The following ZFAND3 variants were observed in gnomAD, a reference collection of about 807,000 sequenced individuals.
ZFAND3 encodes zinc finger AN1-type containing 3, also known as AN1-type zinc finger protein 3.
Under a neutral mutation model 29.6 loss-of-function variants are expected in ZFAND3, and 10 were observed. The ratio of observed to expected loss-of-function variants is 0.34; its 90% CI spans 0.21 to 0.57. The LOEUF is 0.57. ZFAND3 is among the 20% of genes least tolerant of loss of function. The pLI, the probability that ZFAND3 is intolerant of heterozygous loss-of-function variation, is 0.86. For synonymous variants in ZFAND3, 128 were observed against 112.6 expected (o/e 1.14, Z -0.87); for missense variants, 230 against 304.5 (o/e 0.76, Z 1.82).
At chr6:37,826,406 A>G (rs375730377) in intron 1 of ZFAND3, among the ~76,000 whole-genome samples, 1 of 152,204 alleles carries the variant, frequency 6.6e-6, no homozygotes, top group Non-Finnish European at 1.5e-5. Context: ...ATATTTAAAC[A>G]TAAGACATTT....
intron 2 of ZFAND3, among the ~76,000 whole-genome samples, chr6:37,966,373 C>G (rs1762293777): frequency 6.6e-6 from 1 of 152,174 alleles, no homozygotes; most frequent in Non-Finnish European, 1.5e-5. Context: ...AGTTAAAAAG[C>G]ACATACAAAG....
chr6:38,107,949 G>A (rs549411126), intron 4 of ZFAND3, among the ~76,000 whole-genome samples: 4 of 151,326 alleles, frequency 2.6e-5, no homozygotes, highest in Non-Finnish European at 5.9e-5. Context: ...AAAAGCTCAC[G>A]TTATTTGAAT....
At chr6:38,145,847 A>G (rs929535308) in intron 5 of ZFAND3, among the ~76,000 whole-genome samples, 1 of 152,178 alleles carries the variant, frequency 6.6e-6, no homozygotes, top group Non-Finnish European at 1.5e-5. Context: ...CTTCCATTGA[A>G]ATACCTGTCC....
intron 2 of ZFAND3, among the ~76,000 whole-genome samples, chr6:37,980,623 C>T (rs1264345551): frequency 6.6e-6 from 1 of 152,188 alleles, no homozygotes; most frequent in Admixed American, 6.5e-5. Flanking sequence ...CATCCCCTTG[C>T]AGTACAATTT....
intron 2 of ZFAND3, among the ~76,000 whole-genome samples, chr6:37,942,073 A>G (rs1197126702): frequency 1.3e-5 from 2 of 152,092 alleles, no homozygotes; most frequent in Non-Finnish European, 2.9e-5. Context: ...TTTTAATCCA[A>G]ACTGAATGTA....
intron 2 of ZFAND3, among the ~76,000 whole-genome samples, chr6:38,031,189 CTGTT>C (rs1248269108): frequency 6.6e-6 from 1 of 152,050 alleles, no homozygotes; most frequent in African/African-American, 2.4e-5. Flanking sequence ...GTGCTACTAC[CTGTT>C]TGTTTGCCTC....
At chr6:37,906,817 G>A (rs1476266523) in intron 1 of ZFAND3, among the ~76,000 whole-genome samples, 2 of 151,224 alleles carry the variant, frequency 1.3e-5, no homozygotes, top group African/African-American at 2.4e-5. Context: ...TTGACCATTC[G>A]TATATCTTCT....
intron 2 of ZFAND3, among the ~76,000 whole-genome samples, chr6:38,006,017 G>A (rs1285733386): frequency 6.6e-6 from 1 of 152,166 alleles, no homozygotes; most frequent in Non-Finnish European, 1.5e-5. Flanking sequence ...TGAAGATAGA[G>A]CCAGCTGACT....
chr6:37,872,602 T>C (rs534274297), intron 1 of ZFAND3, among the ~76,000 whole-genome samples: 26 of 152,286 alleles, frequency 1.7e-4, no homozygotes, highest in African/African-American at 6.3e-4. Flanking sequence ...CATAGATTAG[T>C]TTTGCTTGTT....
chr6:38,055,000 T>C (rs1764106970), intron 2 of ZFAND3, among the ~76,000 whole-genome samples: 1 of 152,148 alleles, frequency 6.6e-6, no homozygotes, highest in Non-Finnish European at 1.5e-5. Flanking sequence ...AAACTAGAAA[T>C]GTTTCTATGA....
chr6:38,061,632 G>T lies in ZFAND3; in HGVS notation c.152G>T (p.Ser51Ile). The part of the protein sequence containing the change: ...KKQPDDDSAP[S>I]TSNSQSDLFS... ...CAGCCAGACGATGATTCCGCTCCAA[G>T]TACAAGTAACAGCCAATCAGATTTG... Residue 51 changes from serine to isoleucine, a missense_variant, in exon 3 of 6, where the codon AGT becomes ATT. This residue lies in a region of ZFAND3 where 180 missense variants were observed against 202.5 expected (regional missense o/e 0.89). Transcript: ENST00000287218. 6.2e-7 allele frequency: 1 copy of T among 1,614,166 alleles called. No individual in the cohort carries two copies. Among genetic ancestry groups the T allele is most frequent in the Middle Eastern group, 1.6e-4 (1 of 6,062 alleles).
At chr6:37,835,202 C>T (rs1395116381) in intron 1 of ZFAND3, among the ~76,000 whole-genome samples, 2 of 152,190 alleles carry the variant, frequency 1.3e-5, no homozygotes, top group African/African-American at 2.4e-5. Context: ...CACTCTCTCC[C>T]AGGCTGGGGT....
chr6:37,877,682 T>C lies in ZFAND3; in HGVS notation c.72-52277T>C, dbSNP rs116775692. 3.2e-3 allele frequency among the ~76,000 whole-genome samples: 484 copies of C among 152,350 alleles called. 3 individuals are homozygous for C. Among genetic ancestry groups the C allele is most frequent in the African/African-American group, 0.011 (449 of 41,568 alleles). On this transcript the variant is annotated intron_variant, in intron 1 of 5. Coordinates refer to ENST00000287218, the MANE Select transcript of ZFAND3 (RefSeq NM_021943.3). ...ACTTTACATGCTTGATATTGCTTAC[T>C]TGTGGCAGGGCTGGGATTCAAACCC...
At chr6:38,124,989 A>G (rs764675452) in intron 5 of ZFAND3, among the ~76,000 whole-genome samples, 9 of 152,206 alleles carry the variant, frequency 5.9e-5, no homozygotes, top group Admixed American at 1.3e-4. Flanking sequence ...GACAGCAACA[A>G]TTGGGATGTA....
intron 4 of ZFAND3, among the ~76,000 whole-genome samples, chr6:38,114,278 C>G (rs12214375): frequency 0.25 from 37,912 of 152,252 alleles, 6,295 homozygotes; most frequent in Non-Finnish European, 0.37. Flanking sequence ...GGACCCCGCC[C>G]GCAGAGAGCA....
chr6:38,154,269 C>T lies in ZFAND3; in HGVS notation c.*1880C>T, dbSNP rs907202013. On this transcript the variant is annotated 3_prime_UTR_variant, in exon 6 of 6. Transcript: ENST00000287218. ...AGCCCTTCCCGGCCCTCCCCAGGGC[C>T]CCCCGCCCCCTCCTCTGCCTGCTGC... The T allele has an allele frequency of 4.1e-6, 4 of 985,376 alleles. No individual in the cohort carries two copies. Among genetic ancestry groups the T allele is most frequent in the Non-Finnish European group, 4.8e-6 (4 of 829,976 alleles). The allele number at this position is 985,376 out of a possible 1,614,324, so 61.0% of individuals were successfully genotyped here. A position where few individuals can be genotyped will look rare whatever the true frequency, so the allele number is the denominator to read the frequency against.
chr6:38,154,372 C>CT lies in ZFAND3; in HGVS notation c.*1984dup, dbSNP rs1766306594. 1 of 899,348 alleles carries CT rather than the reference C, an allele frequency of 1.1e-6. No homozygotes were observed. Among genetic ancestry groups the CT allele is most frequent in the African/African-American group, 2.2e-5 (1 of 45,276 alleles). 55.7% of individuals were successfully genotyped at this position (899,348 alleles called of 1,614,324 possible). A position where few individuals can be genotyped will look rare whatever the true frequency, so the allele number is the denominator to read the frequency against. ...CCCATGTTCGCTTCCTGACTTAGAG[C>CT]TGGGGGGGGTGGGGGGTGGGGCTTG... On this transcript the variant is annotated 3_prime_UTR_variant, in exon 6 of 6. Coordinates refer to ENST00000287218, the MANE Select transcript of ZFAND3 (RefSeq NM_021943.3).
At chr6:37,841,082 G>A (rs893518387) in intron 1 of ZFAND3, among the ~76,000 whole-genome samples, 2 of 152,072 alleles carry the variant, frequency 1.3e-5, no homozygotes, top group Non-Finnish European at 2.9e-5. Flanking sequence ...GGGTTGCTGG[G>A]TTATAGAAAA....
chr6:37,982,707 T>C (rs1003745323), intron 2 of ZFAND3, among the ~76,000 whole-genome samples: 1 of 152,242 alleles, frequency 6.6e-6, no homozygotes, highest in Non-Finnish European at 1.5e-5. Context: ...GGTTTATGTA[T>C]TTATTATGCT....
Sources: allele counts gnomAD v4.1 joint callset (sites outside exome capture counted in the v4.1 genomes callset), GRCh38; gene constraint gnomAD v4.1.1; regional missense constraint gnomAD v4.1.1; transcripts MANE v1.5; gene names NCBI Gene and HGNC (gene_info 2026-07-23, HGNC 2026-07-21).